SYTL5: variants seen among roughly 807,000 people sequenced by gnomAD.
The protein encoded by SYTL5 is synaptotagmin-like protein 5.
In SYTL5, 34 loss-of-function variants were observed where a neutral mutation model predicts 55.9. The ratio of observed to expected loss-of-function variants is 0.61; its 90% CI spans 0.46 to 0.81. SYTL5 has a LOEUF of 0.81. Ranked by LOEUF, SYTL5 falls within the 30% of genes least tolerant of loss-of-function variation. SYTL5 has a pLI of 0.00. For synonymous variants in SYTL5, 221 were observed against 188.7 expected (o/e 1.17, Z -1.40); for missense variants, 637 against 546.7 (o/e 1.17, Z -1.65).
At chrX:38,069,927 G>A (rs932049194) in intron 3 of SYTL5, among the ~76,000 whole-genome samples, 2 of 111,895 alleles carry the variant, frequency 1.8e-5, no homozygotes, top group Non-Finnish European at 3.8e-5. Context: ...GTTTTGGTAG[G>A]TTATATCTTA....
At chrX:38,067,664 CTT>C (rs1936136694) in intron 3 of SYTL5, among the ~76,000 whole-genome samples, 1 of 111,602 alleles carries the variant, frequency 9.0e-6, no homozygotes, top group African/African-American at 3.3e-5. Flanking sequence ...TTCAATAAAA[CTT>C]TATTTATATG....
At chrX:38,056,912 T>G (rs1005475680) in intron 3 of SYTL5, among the ~76,000 whole-genome samples, 2 of 111,580 alleles carry the variant, frequency 1.8e-5, no homozygotes, top group African/African-American at 6.5e-5. Context: ...TTTGCAAATA[T>G]TTTCTCCCAT....
intron 1 of SYTL5, among the ~76,000 whole-genome samples, chrX:38,020,243 T>G (rs191224343): frequency 9.1e-6 from 1 of 109,374 alleles, no homozygotes; most frequent in African/African-American, 3.3e-5. Context: ...TGCCATTTGC[T>G]GTATTTTTTT....
chrX:37,945,186 C>T, the SYTL5 span, among the ~76,000 whole-genome samples: 2 of 112,101 alleles, frequency 1.8e-5, no homozygotes, highest in Non-Finnish European at 3.8e-5. Context: ...ACCTTTTCAG[C>T]TTTCATGGAG....
chrX:38,113,623 T>G (rs924930446), intron 13 of SYTL5, among the ~76,000 whole-genome samples: 3 of 111,704 alleles, frequency 2.7e-5, no homozygotes, highest in Non-Finnish European at 5.6e-5. Context: ...GAATAAATAC[T>G]AACCCTCACC....
rs754207367 is a variant in SYTL5, at chrX:38,076,663, A to G, written c.651A>G (p.Gln217=). The G allele has an allele frequency of 8.3e-5, 100 of 1,209,215 alleles. No homozygotes were observed. The highest frequency in any genetic ancestry group is 2.2e-5 in the Admixed American group (1 of 45,635). ...GRSYSLDLDG[Q]HFRSLKSPPG... is the part of the protein sequence containing the mutation. Reference sequence around the variant, plus strand: ...GCTATAGCTTGGACTTAGACGGTCAACATTTTCGGAGTTTAAAATCACCTC... The same window carrying G: ...GCTATAGCTTGGACTTAGACGGTCAGCATTTTCGGAGTTTAAAATCACCTC... Residue 217 remains glutamine, a synonymous_variant, in exon 6 of 17, where the codon CAA becomes CAG. Transcript: ENST00000297875.
At chrX:37,947,401 C>T in the SYTL5 span, among the ~76,000 whole-genome samples, 1 of 111,374 alleles carries the variant, frequency 9.0e-6, no homozygotes, top group Non-Finnish European at 1.9e-5. Context: ...CTCACAAGAA[C>T]TGATGGTTTA....
At chrX:37,917,798 C>T in the SYTL5 span, among the ~76,000 whole-genome samples, 7 of 110,956 alleles carry the variant, frequency 6.3e-5, no homozygotes, top group East Asian at 1.7e-3. Context: ...AGGAAAAAGG[C>T]CAGGAAAGGG....
chrX:38,001,351 G>A, the SYTL5 span, among the ~76,000 whole-genome samples: 2 of 111,497 alleles, frequency 1.8e-5, no homozygotes, highest in Non-Finnish European at 3.8e-5. Context: ...TGTTGTGCTA[G>A]CAAATACTAG....
the SYTL5 span, among the ~76,000 whole-genome samples, chrX:37,905,882 C>T: frequency 5.3e-5 from 6 of 112,944 alleles, no homozygotes; most frequent in East Asian, 2.8e-4. Flanking sequence ...TGGGGGCATC[C>T]GGCTGTGAGC....
chrX:37,995,019 GGA>G, the SYTL5 span, among the ~76,000 whole-genome samples: 7 of 111,085 alleles, frequency 6.3e-5, no homozygotes, highest in Admixed American at 9.5e-5. Context: ...TGGCCAGTGT[GGA>G]GTGTTTGAAT....
intron 1 of SYTL5, among the ~76,000 whole-genome samples, chrX:38,010,656 A>G (rs776108683): frequency 1.3e-4 from 14 of 111,641 alleles, no homozygotes; most frequent in Admixed American, 2.9e-4. Flanking sequence ...ACTGTCCTCT[A>G]TATTCTAGAA....
At chrX:38,067,637 A>G (rs1354122533) in intron 3 of SYTL5, among the ~76,000 whole-genome samples, 2 of 111,919 alleles carry the variant, frequency 1.8e-5, no homozygotes, top group African/African-American at 3.2e-5. Context: ...CACATAAACA[A>G]TTGAGCATGG....
intron 7 of SYTL5, among the ~76,000 whole-genome samples, chrX:38,091,402 G>A (rs768708940): frequency 2.6e-4 from 29 of 112,278 alleles, no homozygotes; most frequent in Non-Finnish European, 4.5e-4. Flanking sequence ...CTAGAAAGGT[G>A]CATGGATAGT....
the SYTL5 span, among the ~76,000 whole-genome samples, chrX:37,950,504 T>G: frequency 2.7e-5 from 3 of 111,837 alleles, no homozygotes; most frequent in Non-Finnish European, 5.7e-5. Context: ...TTATTTACTT[T>G]TACTTTTCCG....
chrX:37,973,292 T>C, the SYTL5 span, among the ~76,000 whole-genome samples: 1 of 111,077 alleles, frequency 9.0e-6, no homozygotes, highest in Non-Finnish European at 1.9e-5. Context: ...AGGTAGGAAT[T>C]TGGGTAAGAA....
chrX:37,997,681 T>C, the SYTL5 span, among the ~76,000 whole-genome samples: 16 of 112,373 alleles, frequency 1.4e-4, no homozygotes, highest in Admixed American at 1.4e-3. Flanking sequence ...AGATATCCCC[T>C]GGCACCTACA....
chrX:37,974,305 C>T, the SYTL5 span, among the ~76,000 whole-genome samples: 1 of 112,260 alleles, frequency 8.9e-6, no homozygotes, highest in African/African-American at 3.2e-5. Flanking sequence ...ACCTTGAAAA[C>T]ATTATCGTAA....
In SYTL5 at chrX:38,126,773, G is replaced by T; in HGVS notation, c.*43G>T. The T allele has an allele frequency of 8.6e-7, 1 of 1,160,811 alleles. No individual in the cohort carries two copies. Among genetic ancestry groups the T allele is most frequent in the Non-Finnish European group, 1.2e-6 (1 of 865,911 alleles). On this transcript the variant is annotated 3_prime_UTR_variant, in exon 17 of 17. Transcript: ENST00000297875. ...GAATGAGGCCACCAGGACCTATCTG[G>T]CTGTCTTTTCCTACCATTAGCAAAC...
Sources: gnomAD v4.1 joint callset for allele counts (sites outside exome capture counted in the v4.1 genomes callset) on GRCh38, gnomAD v4.1.1 for gene constraint, MANE v1.5 for transcripts, NCBI Gene and HGNC (gene_info 2026-07-23, HGNC 2026-07-21) for gene names.